OBSL1: variants seen among roughly 807,000 people sequenced by gnomAD.
The protein encoded by OBSL1 is obscurin-like protein 1.
OBSL1 carries 160 observed loss-of-function variants against 172.0 expected under a neutral mutation model. The observed-to-expected ratio is 0.93, with a 90% CI of 0.82 to 1.06. The LOEUF is 1.06. Among genes scored for constraint, OBSL1 ranks in the 50% least tolerant of loss-of-function variants. The pLI is 0.00. For synonymous variants in OBSL1, 1,200 were observed against 1,196.3 expected (o/e 1.00, Z -0.06); for missense variants, 2,681 against 2,715.4 (o/e 0.99, Z 0.28).
In OBSL1 at chr2:219,571,142, G is replaced by A. The variant is rs781616578; in HGVS notation, c.91C>T (p.Leu31Phe). 5.4e-6 allele frequency: 8 copies of A among 1,486,326 alleles called. 1 individual carries two copies. The Admixed American group carries it at 1.5e-4, about 28-fold the overall frequency. The allele number at this position is 1,486,326 out of a possible 1,614,324, so 92.1% of individuals were successfully genotyped here. A position where few individuals can be genotyped will look rare whatever the true frequency, so the allele number is the denominator to read the frequency against. ...GGCTCCCCCAGGACCACGCACTTGA[G>A]CTCGGCCTCGGCGCCACTTACCACC... is the stretch of plus-strand genomic sequence containing the variant. ...VRVVSGAEAE[L>F]KCVVLGEPPP... Residue 31 changes from leucine to phenylalanine, a missense_variant, in exon 1 of 21, where the codon CTC (leucine) becomes TTC (phenylalanine). Around this residue, in one of 5 missense-constraint regions of OBSL1, gnomAD observed 90 missense variants for 76.6 expected, o/e 1.18. Coordinates refer to ENST00000404537, the MANE Select transcript of OBSL1 (RefSeq NM_015311.3).
downstream of OBSL1, chr2:219,548,150 A>C: frequency 1.5e-6 from 2 of 1,365,878 alleles, no homozygotes; most frequent in Non-Finnish European, 1.9e-6. Context: ...GGGCCAAGTG[A>C]CTGGGGAGTG....
At chr2:219,557,261 T>G in intron 12 of OBSL1, 82 bp downstream of exon 12, 7 of 1,330,414 alleles carry the variant, frequency 5.3e-6, no homozygotes, top group Admixed American at 3.0e-5. Context: ...AAAGCGGGGG[T>G]GGAGGAGTAA....
rs1696663693 is a variant in OBSL1 at position 219,563,630 on chromosome 2, G to A, written c.2408-3C>T. ...GTCCACGATGTGCACGGGAGGATCT[G>A]GGTGGGAAGCAGAGATGGCATTGCA... is the stretch of plus-strand genomic sequence containing the variant. On this transcript the variant is annotated splice_polypyrimidine_tract_variant and splice_region_variant and intron_variant, in intron 6 of 20. Transcript: ENST00000404537. 1.9e-6 allele frequency: 3 copies of A among 1,609,426 alleles called. No homozygotes were observed. Among genetic ancestry groups the A allele is most frequent in the Non-Finnish European group, 2.5e-6 (3 of 1,176,822 alleles).
intron 4 of OBSL1, 58 bp from the exon 5 acceptor site, chr2:219,567,184 C>T: frequency 2.5e-6 from 4 of 1,580,484 alleles, no homozygotes; most frequent in Non-Finnish European, 3.4e-6. Context: ...AGGGCAGAGG[C>T]TGGCGGATGG....
chr2:219,562,384 G>C lies in OBSL1; in HGVS notation c.2953+18C>G. ...AGGGCTGTCTCTGTGACCCCGGGGAGCTGGGCTGGGCCCACACCTGTGACG... is the reference window on the plus strand; with the variant it reads ...AGGGCTGTCTCTGTGACCCCGGGGACCTGGGCTGGGCCCACACCTGTGACG... On this transcript the variant is annotated intron_variant, in intron 8 of 20. Transcript: ENST00000404537. The C allele has an allele frequency of 1.2e-6, 2 of 1,609,788 alleles. No homozygotes were observed. Among genetic ancestry groups the C allele is most frequent in the East Asian group, 4.5e-5 (2 of 44,818 alleles).
downstream of OBSL1, chr2:219,548,168 G>A (rs1695433555): frequency 8.2e-7 from 1 of 1,224,494 alleles, no homozygotes; most frequent in Admixed American, 2.7e-5. Context: ...GTGGGGGACA[G>A]CAGCAGAAGG....
At chr2:219,570,063 C>T (rs1313190667) in intron 1 of OBSL1, among the ~76,000 whole-genome samples, 158 bp downstream of exon 1, 3 of 152,310 alleles carry the variant, frequency 2.0e-5, no homozygotes, top group African/African-American at 7.2e-5. Flanking sequence ...ATCCGAATCC[C>T]TGGGGAGTGA....
At chr2:219,569,671 G>A (rs1339020070) in intron 1 of OBSL1, among the ~76,000 whole-genome samples, 2 of 152,220 alleles carry the variant, frequency 1.3e-5, no homozygotes, top group Admixed American at 6.5e-5. Context: ...TGTTTCTCAA[G>A]GTGACAGATG....
At chr2:219,560,862 G>C (rs1284706878) in intron 8 of OBSL1, among the ~76,000 whole-genome samples, 1 of 152,228 alleles carries the variant, frequency 6.6e-6, no homozygotes, top group Non-Finnish European at 1.5e-5. Flanking sequence ...GGTGAGGACA[G>C]GGTGCAGTGA....
rs150155792 is a variant in OBSL1, at chr2:219,557,606, C to T, written c.3803G>A (p.Arg1268Gln). 2.3e-5 allele frequency: 35 copies of T among 1,540,896 alleles called. No homozygotes were observed. Among genetic ancestry groups the T allele is most frequent in the African/African-American group, 2.7e-5 (2 of 73,232 alleles). Reference sequence around the variant, plus strand: ...CTGGGCTGCCTCGGGAGCTACCACCCGCACAGGGGGCTCTGTGGAGTCAGA... The same window carrying T: ...CTGGGCTGCCTCGGGAGCTACCACCTGCACAGGGGGCTCTGTGGAGTCAGA... ...FTVQVAEPPV[R>Q]VVAPEAAQTR... The change falls in exon 12 of 21, where the codon CGG becomes CAG. Residue 1268 changes from arginine to glutamine, a missense_variant. Arg to Gln is a conservative substitution (Grantham distance 43). Transcript: ENST00000404537.
chr2:219,550,686 G>A, downstream of OBSL1: 1 of 1,086,998 alleles, frequency 9.2e-7, no homozygotes. Flanking sequence ...AGGGGCTCCA[G>A]GCAAGGTCTG....
Position 219,557,555 on chromosome 2 carries a change from C to T in OBSL1, c.3854G>A (p.Gly1285Glu). 6.4e-7 allele frequency: 1 copy of T among 1,552,094 alleles called. No individual in the cohort carries two copies. The highest frequency in any genetic ancestry group is 8.7e-7 in the Non-Finnish European group (1 of 1,148,016). The change falls in exon 12 of 21, where the codon GGG becomes GAG. Residue 1285 changes from glycine to glutamate, a missense_variant. Around this residue, in one of 5 missense-constraint regions of OBSL1, gnomAD observed 1,765 missense variants for 1,748.3 expected, o/e 1.01. Coordinates refer to ENST00000404537, the MANE Select transcript of OBSL1 (RefSeq NM_015311.3). ...GAGGTGCACCACCAGCTCTAGGTCC[C>T]CGCCTGGGGTGCTCCGAACCCTCGT... is the stretch of plus-strand genomic sequence containing the variant. The part of the protein sequence containing the change: ...AQTRVRSTPG[G>E]DLELVVHLSG...
In OBSL1 at chr2:219,570,669, G is replaced by C. The variant is rs1349385349; in HGVS notation, c.564C>G (p.Pro188=). The change falls in exon 1 of 21, where the codon CCC becomes CCG. Residue 188 remains proline (P), a synonymous_variant. Transcript: ENST00000404537. ...GGATGCGCAGTGCCAGGCTCGCGCCGGGGCCGTCCTCGGCGCGGCCCGGCT... is the reference window on the plus strand; with the variant it reads ...GGATGCGCAGTGCCAGGCTCGCGCCCGGGCCGTCCTCGGCGCGGCCCGGCT... ...ALQPGRAEDG[P]GASLALRILA... 2 of 1,507,824 alleles carry C rather than the reference G, an allele frequency of 1.3e-6. No homozygotes were observed. Among genetic ancestry groups the C allele is most frequent in the Admixed American group, 2.1e-5 (1 of 47,688 alleles). 93.4% of individuals were successfully genotyped at this position (1,507,824 alleles called of 1,614,324 possible). A position where few individuals can be genotyped will look rare whatever the true frequency, so the allele number is the denominator to read the frequency against.
chr2:219,553,024 C>T lies in OBSL1; in HGVS notation c.4990G>A (p.Asp1664Asn). 6.6e-7 allele frequency: 1 copy of T among 1,504,518 alleles called. No individual in the cohort carries two copies. The highest frequency in any genetic ancestry group is 1.3e-5 in the South Asian group (1 of 79,248). The allele number at this position is 1,504,518 out of a possible 1,614,324, so 93.2% of individuals were successfully genotyped here. A position where few individuals can be genotyped will look rare whatever the true frequency, so the allele number is the denominator to read the frequency against. The change falls in exon 17 of 21, where the codon GAC becomes AAC. Residue 1664 changes from aspartate (D) to asparagine (N), a missense_variant and splice_region_variant. Physicochemically the swap from Asp to Asn is conservative, Grantham distance 23. Around this residue, in one of 5 missense-constraint regions of OBSL1, gnomAD observed 1,765 missense variants for 1,748.3 expected, o/e 1.01. Transcript: ENST00000404537. ...QALADVTWEKDGNALTPSPRL... is the reference protein window; with the variant it reads ...QALADVTWEKNGNALTPSPRL... ...GGGCTAGGCGTAAGCGCGTTCCCGT[C>T]CTAGGGGCGGGAGTTGCAGAGGGTC...
intron 8 of OBSL1, chr2:219,559,723 C>T (rs1696320926): frequency 3.8e-6 from 2 of 530,876 alleles, no homozygotes; most frequent in Admixed American, 6.5e-5. Context: ...TCTCATCTAT[C>T]ACATACCTTC....
Position 219,558,065 on chromosome 2 carries a change from A to G in OBSL1, c.3548T>C (p.Leu1183Pro), listed in dbSNP as rs985062387. The change falls in exon 11 of 21, where the codon CTC becomes CCC. Residue 1183 changes from leucine to proline, a missense_variant. Coordinates refer to ENST00000404537, the MANE Select transcript of OBSL1 (RefSeq NM_015311.3). Reference protein sequence around the residue: ...FLALETTPSPLCVAPGEPVVL... With the variant: ...FLALETTPSPPCVAPGEPVVL... ...CACTGGCTCCCCAGGGGCCACACAGAGCGGGCTTGGAGTTGTCTCTAGAGC... is the reference window on the plus strand; with the variant it reads ...CACTGGCTCCCCAGGGGCCACACAGGGCGGGCTTGGAGTTGTCTCTAGAGC... 17 of 1,613,554 alleles carry G rather than the reference A, an allele frequency of 1.1e-5. No homozygotes were observed. In the African/African-American group the frequency reaches 1.6e-4, roughly 15 times the overall value.
chr2:219,550,718 G>C, downstream of OBSL1: 1 of 1,389,100 alleles, frequency 7.2e-7, no homozygotes, highest in Admixed American at 2.0e-5. Context: ...CACTCAGAGA[G>C]GCAAGGAAAT....
At chr2:219,564,362 A>C (rs1696717728) in intron 6 of OBSL1, among the ~76,000 whole-genome samples, 1 of 152,232 alleles carries the variant, frequency 6.6e-6, no homozygotes, top group South Asian at 2.1e-4. Context: ...CAGGAACAGA[A>C]CAATCCTGTG....
chr2:219,555,038 A>AAT lies in OBSL1; in HGVS notation c.4610-299_4610-298insAT. The AAT allele has an allele frequency of 9.3e-6, 4 of 427,990 alleles. No homozygotes were observed. The East Asian group carries it at 1.6e-4, about 17-fold the overall frequency. 26.5% of individuals were successfully genotyped at this position (427,990 alleles called of 1,614,324 possible). A position where few individuals can be genotyped will look rare whatever the true frequency, so the allele number is the denominator to read the frequency against. ...TTGAAGGAGCACGGAATTTGGAGTC[A>AAT]GACACACTAGGAATGGAACCTCGCT... is the stretch of plus-strand genomic sequence containing the variant. On this transcript the variant is annotated intron_variant, in intron 14 of 20. Coordinates refer to ENST00000404537, the MANE Select transcript of OBSL1 (RefSeq NM_015311.3).
Sources: gnomAD v4.1 joint callset for allele counts (sites outside exome capture counted in the v4.1 genomes callset) on GRCh38, gnomAD v4.1.1 for gene constraint, gnomAD v4.1.1 regional missense constraint, MANE v1.5 for transcripts, NCBI Gene and HGNC (gene_info 2026-07-23, HGNC 2026-07-21) for gene names.